The following CCSER1 variants were observed in gnomAD, a reference collection of about 807,000 sequenced individuals.
The protein encoded by CCSER1 is serine-rich coiled-coil domain-containing protein 1.
In CCSER1, 41 loss-of-function variants were observed where a neutral mutation model predicts 82.0. The observed-to-expected ratio is 0.50, with a 90% CI of 0.39 to 0.65. The LOEUF is 0.65. Ranked by LOEUF, CCSER1 falls within the 30% of genes least tolerant of loss-of-function variation. The pLI is 0.00. For synonymous variants in CCSER1, 414 were observed against 383.9 expected, an observed-to-expected ratio of 1.08 and a Z score of -0.92; for missense variants, 1,119 against 1,064.2, an observed-to-expected ratio of 1.05 and a Z score of -0.72.
At chr4:91,113,140 T>C (rs1300658312) in intron 10 of CCSER1, among the ~76,000 whole-genome samples, 1 of 152,220 alleles carries the variant, frequency 6.6e-6, no homozygotes, top group African/African-American at 2.4e-5. Context: ...AGAGATCTTC[T>C]AGGGTAGGGA....
At chr4:91,449,626 G>C (rs867891885) in intron 10 of CCSER1, among the ~76,000 whole-genome samples, 1 of 151,862 alleles carries the variant, frequency 6.6e-6, no homozygotes, top group Admixed American at 6.6e-5. Flanking sequence ...GACCTCATTT[G>C]GTTCTCCTCA....
At chr4:91,583,121 G>A (rs1763811561) in intron 10 of CCSER1, among the ~76,000 whole-genome samples, 1 of 151,236 alleles carries the variant, frequency 6.6e-6, no homozygotes, top group Non-Finnish European at 1.5e-5. Context: ...AATATTTGGA[G>A]TCAAGTGTGG....
chr4:91,118,673 C>T (rs1030011893), intron 10 of CCSER1, among the ~76,000 whole-genome samples: 2 of 152,168 alleles, frequency 1.3e-5, no homozygotes, highest in African/African-American at 4.8e-5. Context: ...ATATTTTATA[C>T]ATCCCAAAAG....
intron 5 of CCSER1, among the ~76,000 whole-genome samples, chr4:90,551,166 A>G (rs992238724): frequency 2.6e-5 from 4 of 152,142 alleles, no homozygotes; most frequent in African/African-American, 7.2e-5. Context: ...AGATCTTGCT[A>G]TGGCTTTCTA....
chr4:91,174,619 T>G (rs1219730228), intron 10 of CCSER1, among the ~76,000 whole-genome samples: 2 of 152,078 alleles, frequency 1.3e-5, no homozygotes, highest in Non-Finnish European at 2.9e-5. Context: ...GCTACTATAC[T>G]TTAAAATTTG....
chr4:90,362,755 G>T (rs1391535423), intron 3 of CCSER1, among the ~76,000 whole-genome samples: 1 of 152,042 alleles, frequency 6.6e-6, no homozygotes, highest in African/African-American at 2.4e-5. Context: ...TCTTTGATTT[G>T]CCAGGAGTTT....
chr4:91,066,515 A>G (rs1302002906), intron 9 of CCSER1, among the ~76,000 whole-genome samples: 1 of 152,198 alleles, frequency 6.6e-6, no homozygotes, highest in Non-Finnish European at 1.5e-5. Flanking sequence ...CAGATCATCC[A>G]TATCACAGTA....
intron 6 of CCSER1, among the ~76,000 whole-genome samples, chr4:90,632,641 G>A (rs552284137): frequency 6.6e-6 from 1 of 152,018 alleles, no homozygotes; most frequent in African/African-American, 2.4e-5. Flanking sequence ...CCTGTCTTTG[G>A]CCCAAGCATG....
intron 3 of CCSER1, among the ~76,000 whole-genome samples, chr4:90,358,021 T>C (rs968405284): frequency 6.6e-6 from 1 of 152,050 alleles, no homozygotes; most frequent in Non-Finnish European, 1.5e-5. Flanking sequence ...TATGAAGTCC[T>C]TGGGAACTCA....
chr4:90,669,556 CTTGATAAGT>C (rs1245243434), intron 6 of CCSER1, among the ~76,000 whole-genome samples: 1 of 151,928 alleles, frequency 6.6e-6, no homozygotes, highest in African/African-American at 2.4e-5. Context: ...CCACATTATG[CTTGATAAGT>C]TTGGTTATGT....
At chr4:90,486,877 T>G (rs1433856037) in intron 5 of CCSER1, among the ~76,000 whole-genome samples, 1 of 152,212 alleles carries the variant, frequency 6.6e-6, no homozygotes, top group African/African-American at 2.4e-5. Context: ...GCTACTAGAC[T>G]TTATGCTAGC....
intron 1 of CCSER1, among the ~76,000 whole-genome samples, chr4:90,240,628 G>T (rs1746657449): frequency 6.6e-6 from 1 of 152,176 alleles, no homozygotes; most frequent in African/African-American, 2.4e-5. Context: ...TATATTTGTG[G>T]AAAAGTGCAT....
At chr4:91,117,143 A>G (rs1329654972) in intron 10 of CCSER1, among the ~76,000 whole-genome samples, 1 of 152,218 alleles carries the variant, frequency 6.6e-6, no homozygotes, top group African/African-American at 2.4e-5. Context: ...AAGCTTGCAA[A>G]TGGAAATAAA....
At chr4:91,449,615 G>A (rs781016055) in intron 10 of CCSER1, among the ~76,000 whole-genome samples, 4 of 151,862 alleles carry the variant, frequency 2.6e-5, no homozygotes, top group Non-Finnish European at 4.4e-5. Flanking sequence ...ATTGTAGGGC[G>A]GACCTCATTT....
intron 4 of CCSER1, among the ~76,000 whole-genome samples, chr4:90,409,148 A>G (rs1398533979): frequency 2.0e-5 from 3 of 152,202 alleles, no homozygotes; most frequent in African/African-American, 4.8e-5. Flanking sequence ...CCAAATCTAC[A>G]TCTAATTGGT....
At chr4:90,759,857 A>G (rs185557077) in intron 7 of CCSER1, among the ~76,000 whole-genome samples, 3 of 152,322 alleles carry the variant, frequency 2.0e-5, no homozygotes, top group East Asian at 1.9e-4. Flanking sequence ...GAGCAAAATT[A>G]TTAATTTCAA....
chr4:91,236,974 T>C (rs899736416), intron 10 of CCSER1, among the ~76,000 whole-genome samples: 1 of 152,240 alleles, frequency 6.6e-6, no homozygotes, highest in Non-Finnish European at 1.5e-5. Context: ...GGATATTGAA[T>C]GTGGAGTTAA....
At chr4:91,073,088 C>A (rs989012839) in intron 9 of CCSER1, among the ~76,000 whole-genome samples, 3 of 151,900 alleles carry the variant, frequency 2.0e-5, no homozygotes, top group Non-Finnish European at 4.4e-5. Flanking sequence ...CAATTCAAAG[C>A]TTCCAGTGAA....
chr4:90,892,473 ATATT>A (rs1723100915), intron 8 of CCSER1, among the ~76,000 whole-genome samples: 1 of 152,052 alleles, frequency 6.6e-6, no homozygotes, highest in African/African-American at 2.4e-5. Flanking sequence ...TATTAGGTAT[ATATT>A]ATCAATTATT....
Sources: gnomAD v4.1 joint callset for allele counts (sites outside exome capture counted in the v4.1 genomes callset) on GRCh38, gnomAD v4.1.1 for gene constraint, MANE v1.5 for transcripts, NCBI Gene and HGNC (gene_info 2026-07-23, HGNC 2026-07-21) for gene names.